SHTN1: variants seen among roughly 807,000 people sequenced by gnomAD.
SHTN1 encodes shootin-1.
A neutral mutation model predicts 83.1 loss-of-function variants in SHTN1; 42 were observed. That is an observed-to-expected ratio of 0.51 (90% confidence interval 0.39 to 0.65). SHTN1 has a LOEUF of 0.65. SHTN1 is among the 30% of genes least tolerant of loss of function. The pLI is 0.00. For missense variants in SHTN1, 622 were observed against 737.8 expected (o/e 0.84, Z 1.82); for synonymous variants, 224 against 247.7 (o/e 0.90, Z 0.90).
intron 9 of SHTN1, among the ~76,000 whole-genome samples, chr10:116,936,806 T>C (rs1367451354): frequency 1.3e-5 from 2 of 152,204 alleles, no homozygotes; most frequent in South Asian, 4.1e-4. Context: ...TTTATCTCTT[T>C]ATATGTCTCT....
intron 11 of SHTN1, among the ~76,000 whole-genome samples, chr10:116,923,942 T>G (rs1848649671): frequency 6.6e-6 from 1 of 152,180 alleles, no homozygotes; most frequent in East Asian, 1.9e-4. Context: ...AATTGCCTTT[T>G]CTTAAAATTC....
At chr10:117,024,651 C>T (rs1211161339) in intron 2 of SHTN1, among the ~76,000 whole-genome samples, 1 of 152,088 alleles carries the variant, frequency 6.6e-6, no homozygotes, top group Non-Finnish European at 1.5e-5. Context: ...AGCCACCGCG[C>T]CCGGCCTACA....
At chr10:117,024,703 T>A (rs1234148140) in intron 2 of SHTN1, among the ~76,000 whole-genome samples, 1 of 152,106 alleles carries the variant, frequency 6.6e-6, no homozygotes, top group Non-Finnish European at 1.5e-5. Context: ...CATCAGCAAA[T>A]ATTGAACTAT....
chr10:116,988,765 C>T (rs576977833), intron 1 of SHTN1, among the ~76,000 whole-genome samples: 17 of 152,090 alleles, frequency 1.1e-4, no homozygotes, highest in South Asian at 6.2e-4. Flanking sequence ...TGGTTGTACT[C>T]GTGGCCTCAA....
At chr10:117,042,791 T>C (rs921130072) in intron 2 of SHTN1, among the ~76,000 whole-genome samples, 3 of 152,052 alleles carry the variant, frequency 2.0e-5, no homozygotes, top group Admixed American at 6.6e-5. Context: ...AATTTTTGTA[T>C]TTTTAGTAGA....
intron 2 of SHTN1, among the ~76,000 whole-genome samples, chr10:117,043,966 G>C (rs1448167864): frequency 6.6e-6 from 1 of 152,054 alleles, no homozygotes; most frequent in East Asian, 1.9e-4. Context: ...AAATTTAAAT[G>C]TTTCAATATT....
chr10:117,016,691 G>GCCAT (rs34715351), intron 2 of SHTN1, among the ~76,000 whole-genome samples: 44,891 of 151,940 alleles, frequency 0.3, 6,891 homozygotes, highest in East Asian at 0.5. Flanking sequence ...ACAGGCGTGA[G>GCCAT]CCATCGCACC....
At chr10:117,023,270 C>A (rs1852288070) in intron 2 of SHTN1, among the ~76,000 whole-genome samples, 1 of 152,142 alleles carries the variant, frequency 6.6e-6, no homozygotes, top group African/African-American at 2.4e-5. Flanking sequence ...ATCTAGAAAT[C>A]TGTCACGTGC....
chr10:117,083,114 C>G (rs1238422460), intron 1 of SHTN1, among the ~76,000 whole-genome samples: 2 of 150,586 alleles, frequency 1.3e-5, no homozygotes, highest in East Asian at 1.9e-4. Flanking sequence ...TTAGTTGATG[C>G]AGTTTCTTCC....
chr10:116,940,437 A>C (rs746271372), intron 9 of SHTN1, 29 bp downstream of exon 9: 4 of 1,609,864 alleles, frequency 2.5e-6, no homozygotes, highest in Middle Eastern at 1.6e-4. Context: ...GTGTGTGTGT[A>C]CCTAAGATTC....
chr10:116,946,069 A>G (rs1331685539), intron 7 of SHTN1, among the ~76,000 whole-genome samples: 1 of 151,978 alleles, frequency 6.6e-6, no homozygotes, highest in African/African-American at 2.4e-5. Flanking sequence ...CAAATAAAAG[A>G]AAGGAAATAA....
intron 2 of SHTN1, among the ~76,000 whole-genome samples, chr10:117,030,357 T>C (rs1014813470): frequency 2.0e-5 from 3 of 152,140 alleles, no homozygotes; most frequent in Non-Finnish European, 4.4e-5. Context: ...TCCTTTTGAA[T>C]ATCTGGAAAC....
In SHTN1 at chr10:117,049,364, AAAC is replaced by A. The variant is rs1257234021; in HGVS notation, c.-188-857_-188-855del. 9.2e-5 allele frequency among the ~76,000 whole-genome samples: 14 copies of A among 152,198 alleles called. No individual in the cohort carries two copies. The South Asian group carries it at 1.0e-3, about 11-fold the overall frequency. On this transcript the variant is annotated intron_variant, in intron 1 of 17. Coordinates refer to the SHTN1 transcript ENST00000392901. ...CAGAACTTGTTGGAAAAAAACAAACAAACAACAACAACAACAAAAAAAACAAAA... is the reference window on the plus strand; with the variant it reads ...CAGAACTTGTTGGAAAAAAACAAACAAACAACAACAACAAAAAAAACAAAA...
intron 8 of SHTN1, among the ~76,000 whole-genome samples, chr10:116,941,316 G>A (rs902784653): frequency 6.6e-6 from 1 of 152,210 alleles, no homozygotes; most frequent in Non-Finnish European, 1.5e-5. Flanking sequence ...GTAGTTAACA[G>A]TAGAAGGGTA....
At chr10:117,104,148 CA>C (rs1322785482) in intron 1 of SHTN1, among the ~76,000 whole-genome samples, 3 of 151,996 alleles carry the variant, frequency 2.0e-5, no homozygotes, top group Non-Finnish European at 4.4e-5. Context: ...TTTTTTACCT[CA>C]TTTTTTTTTA....
chr10:116,907,614 G>A (rs895701100), intron 14 of SHTN1, among the ~76,000 whole-genome samples: 1 of 152,146 alleles, frequency 6.6e-6, no homozygotes, highest in Non-Finnish European at 1.5e-5. Flanking sequence ...ATTTCTCAGT[G>A]ATACATAAGG....
At chr10:117,004,556 C>G (rs1006344289) in intron 1 of SHTN1, among the ~76,000 whole-genome samples, 1 of 152,066 alleles carries the variant, frequency 6.6e-6, no homozygotes, top group African/African-American at 2.4e-5. Flanking sequence ...GGAACTAGAC[C>G]GAATCCAAAC....
intron 13 of SHTN1, among the ~76,000 whole-genome samples, chr10:116,912,807 G>T (rs1848250809): frequency 6.6e-6 from 1 of 152,066 alleles, no homozygotes; most frequent in South Asian, 2.1e-4. Flanking sequence ...AAAGAGGTAA[G>T]GTTATATTCT....
chr10:116,892,180 C>T (rs1847360134), intron 16 of SHTN1, among the ~76,000 whole-genome samples: 1 of 152,140 alleles, frequency 6.6e-6, no homozygotes, highest in Non-Finnish European at 1.5e-5. Context: ...TCCCGGACCA[C>T]AATGCAATGC....
Sources: gnomAD v4.1 joint callset for allele counts (sites outside exome capture counted in the v4.1 genomes callset) on GRCh38, gnomAD v4.1.1 for gene constraint, MANE v1.5 for transcripts, NCBI Gene and HGNC (gene_info 2026-07-23, HGNC 2026-07-21) for gene names.